The following TMEM9 variants were observed in gnomAD, a reference collection of about 807,000 sequenced individuals.
TMEM9 encodes proton-transporting V-type ATPase complex assembly regulator TMEM9.
Under a neutral mutation model 22.8 loss-of-function variants are expected in TMEM9, and 13 were observed. The observed-to-expected ratio is 0.57, with a 90% confidence interval of 0.37 to 0.91. TMEM9 has a LOEUF of 0.91. Among genes scored for constraint, TMEM9 ranks in the 40% least tolerant of loss-of-function variants. TMEM9 has a pLI of 0.01. For missense variants in TMEM9, 182 were observed against 238.1 expected (o/e 0.76, Z 1.55); for synonymous variants, 88 against 93.0 (o/e 0.95, Z 0.31).
Position 201,146,729 on chromosome 1 carries a change from C to A in TMEM9, c.267+11G>T, listed in dbSNP as rs763537671. The A allele has an allele frequency of 1.9e-6, 3 of 1,613,856 alleles. No homozygotes were observed. Among genetic ancestry groups the A allele is most frequent in the Admixed American group, 3.3e-5 (2 of 60,024 alleles). Reference sequence around the variant, plus strand: ...GGGAATCCCACTGGCTTCCTGAGACCCTGGCGTTACCTTGATGGTGGTGGT... The same window carrying A: ...GGGAATCCCACTGGCTTCCTGAGACACTGGCGTTACCTTGATGGTGGTGGT... On this transcript the variant is annotated intron_variant, in intron 3 of 4. Coordinates refer to ENST00000367330, the MANE Select transcript of TMEM9 (RefSeq NM_001288565.2).
chr1:201,143,521 T>C (rs1015456393), intron 4 of TMEM9, among the ~76,000 whole-genome samples: 4 of 152,170 alleles, frequency 2.6e-5, no homozygotes, highest in Non-Finnish European at 4.4e-5. Flanking sequence ...ATCATGTGTA[T>C]CTATGTGTGA....
At chr1:201,170,487 AG>A (rs1475625894) in intron 1 of TMEM9, among the ~76,000 whole-genome samples, 11 of 152,278 alleles carry the variant, frequency 7.2e-5, no homozygotes, top group Admixed American at 5.2e-4. Flanking sequence ...CTGGATGCTC[AG>A]TTTTTACCAG....
chr1:201,156,601 A>G (rs943390878), upstream of TMEM9, among the ~76,000 whole-genome samples: 1 of 152,006 alleles, frequency 6.6e-6, no homozygotes. Flanking sequence ...TATCACCCCC[A>G]GCACTGCCAG....
intron 2 of TMEM9, among the ~76,000 whole-genome samples, chr1:201,147,947 C>G (rs957273819): frequency 2.0e-5 from 3 of 152,214 alleles, no homozygotes; most frequent in Non-Finnish European, 4.4e-5. Flanking sequence ...CCCAACCCCC[C>G]GCCAATGCAC....
chr1:201,136,941 G>A (rs1415654146), intron 4 of TMEM9, among the ~76,000 whole-genome samples: 2 of 152,256 alleles, frequency 1.3e-5, no homozygotes, highest in South Asian at 2.1e-4. Flanking sequence ...ACGCTGGGGC[G>A]AAGGGGGGTG....
intron 1 of TMEM9, among the ~76,000 whole-genome samples, chr1:201,166,749 T>C (rs142077895): frequency 1.3e-5 from 2 of 152,218 alleles, no homozygotes; most frequent in African/African-American, 4.8e-5. Flanking sequence ...TTTTGTTTTT[T>C]AATTTTTTAA....
At chr1:201,151,722 C>G (rs745826034) in intron 2 of TMEM9, 39 bp downstream of exon 2, 6 of 1,492,198 alleles carry the variant, frequency 4.0e-6, no homozygotes, top group Non-Finnish European at 5.6e-6. Flanking sequence ...ATAACTTCAA[C>G]TGGGTATAGC....
Position 201,143,959 on chromosome 1 carries a change from A to C in TMEM9, c.268-8T>G, listed in dbSNP as rs769891508. On this transcript the variant is annotated splice_region_variant and splice_polypyrimidine_tract_variant and intron_variant, in intron 3 of 4. Transcript: ENST00000367330. Reference sequence around the variant, plus strand: ...GTAGATGACAATGATGACCTGAGGAAGAGACCGGCGTGCCTATGAACCATT... The same window carrying C: ...GTAGATGACAATGATGACCTGAGGACGAGACCGGCGTGCCTATGAACCATT... The C allele has an allele frequency of 6.2e-7, 1 of 1,614,012 alleles. No individual in the cohort carries two copies. The highest frequency in any genetic ancestry group is 1.3e-5 in the African/African-American group (1 of 75,058).
intron 1 of TMEM9, among the ~76,000 whole-genome samples, chr1:201,165,176 A>G (rs1666042329): frequency 7.9e-6 from 1 of 125,858 alleles, no homozygotes; most frequent in African/African-American, 2.9e-5. Flanking sequence ...ATATATATAT[A>G]TATTCATTAT....
intron 4 of TMEM9, 104 bp from the exon 5 acceptor site, chr1:201,135,919 C>A: frequency 8.1e-7 from 1 of 1,237,054 alleles, no homozygotes; most frequent in South Asian, 1.7e-5. Flanking sequence ...GCCTTACCTT[C>A]CCCAGACTGG....
chr1:201,148,339 C>CCCT (rs1665153295), intron 2 of TMEM9, among the ~76,000 whole-genome samples: 1 of 152,220 alleles, frequency 6.6e-6, no homozygotes, highest in Non-Finnish European at 1.5e-5. Flanking sequence ...TCCCAGCCTT[C>CCCT]CTCAGATCAG....
intron 4 of TMEM9, among the ~76,000 whole-genome samples, chr1:201,139,612 T>C (rs1359574960): frequency 6.6e-6 from 1 of 152,016 alleles, no homozygotes; most frequent in Non-Finnish European, 1.5e-5. Flanking sequence ...GCCACACTGG[T>C]CCATGCATCC....
chr1:201,140,675 C>G (rs886304968), intron 4 of TMEM9, among the ~76,000 whole-genome samples: 36 of 152,194 alleles, frequency 2.4e-4, no homozygotes, highest in African/African-American at 8.7e-4. Flanking sequence ...CCAGATCTCA[C>G]CCCTAACTGG....
In TMEM9 at chr1:201,151,784, G is replaced by A; in HGVS notation, c.135C>T (p.Asn45=). ...ACCAGTCCTTCTGGGATACATTCTG[G>A]TTGTAAATGTGCCCACTGATGTTTC... The part of the protein sequence containing the change: ...PYRNISGHIY[N]QNVSQKDCNC... The change falls in exon 2 of 5, where the codon AAC becomes AAT. Residue 45 remains asparagine (N), a synonymous_variant. Coordinates refer to ENST00000367330, the MANE Select transcript of TMEM9 (RefSeq NM_001288565.2). 6.2e-7 allele frequency: 1 copy of A among 1,613,954 alleles called. No homozygotes were observed. Among genetic ancestry groups the A allele is most frequent in the South Asian group, 1.1e-5 (1 of 91,072 alleles).
chr1:201,137,264 TCAGCCTC>T (rs66868207), intron 4 of TMEM9, among the ~76,000 whole-genome samples: 57,625 of 151,924 alleles, frequency 0.38, 12,144 homozygotes, highest in Non-Finnish European at 0.47. Context: ...CCTTCCAGCC[TCAGCCTC>T]CCCTAGGCTC....
At chr1:201,152,968 G>C (rs1229772987) in intron 1 of TMEM9, among the ~76,000 whole-genome samples, 1 of 152,246 alleles carries the variant, frequency 6.6e-6, no homozygotes, top group Non-Finnish European at 1.5e-5. Flanking sequence ...CCATCTGGCA[G>C]AATGCCTCCT....
intron 1 of TMEM9, chr1:201,153,648 C>G: frequency 8.9e-7 from 1 of 1,122,360 alleles, no homozygotes; most frequent in Non-Finnish European, 1.3e-6. Context: ...AGCCAGTGCT[C>G]TGTGCCCCAC....
intron 4 of TMEM9, among the ~76,000 whole-genome samples, chr1:201,136,542 A>G (rs1664005357): frequency 6.6e-6 from 1 of 151,940 alleles, no homozygotes; most frequent in African/African-American, 2.4e-5. Context: ...TTCCCTTTGC[A>G]GAGCCCTCTC....
Position 201,135,567 on chromosome 1 carries a change from T to C in TMEM9, c.*96A>G, listed in dbSNP as rs1663913487. The C allele has an allele frequency of 3.8e-6, 5 of 1,314,396 alleles. No individual in the cohort carries two copies. Among genetic ancestry groups the C allele is most frequent in the African/African-American group, 1.5e-5 (1 of 66,054 alleles). The allele number at this position is 1,314,396 out of a possible 1,614,324, so 81.4% of individuals were successfully genotyped here. A position where few individuals can be genotyped will look rare whatever the true frequency, so the allele number is the denominator to read the frequency against. On this transcript the variant is annotated 3_prime_UTR_variant, in exon 5 of 5. Coordinates refer to ENST00000367330, the MANE Select transcript of TMEM9 (RefSeq NM_001288565.2). Reference sequence around the variant, plus strand: ...TGCCACAGGCTTTTAAAGGGAAGACTGGAACCGAGGGAAGGGAGAAGTAGC... The same window carrying C: ...TGCCACAGGCTTTTAAAGGGAAGACCGGAACCGAGGGAAGGGAGAAGTAGC...
Sources: gnomAD v4.1 joint callset for allele counts (sites outside exome capture counted in the v4.1 genomes callset) on GRCh38, gnomAD v4.1.1 for gene constraint, MANE v1.5 for transcripts, NCBI Gene and HGNC (gene_info 2026-07-23, HGNC 2026-07-21) for gene names.